GREP1: variants seen among roughly 807,000 people sequenced by gnomAD.
GREP1 encodes the protein glycine rich extracellular protein 1.
rs12920412 is a variant in GREP1, at chr16:3,000,950, G to A, written c.1531+123G>A. The A allele has an allele frequency of 2.4e-3, 938 of 398,590 alleles. 2 individuals are homozygous for A. Among genetic ancestry groups the A allele is most frequent in the Middle Eastern group, 5.7e-3 (9 of 1,592 alleles). The allele number at this position is 398,590 out of a possible 1,614,324, so 24.7% of individuals were successfully genotyped here. A position where few individuals can be genotyped will look rare whatever the true frequency, so the allele number is the denominator to read the frequency against. The stretch of plus-strand genomic sequence containing the variant: ...AAGGTACAGCCCTCTTGGCGGAGGG[G>A]ATGGAGTGAGTGAGAAGAGGCCAGG... On this transcript the variant is annotated intron_variant, in intron 33 of 34. Transcript: ENST00000573315.
intron 27 of GREP1, among the ~76,000 whole-genome samples, chr16:2,999,515 C>G (rs1164793547): frequency 7.2e-6 from 1 of 138,618 alleles, no homozygotes; most frequent in Non-Finnish European, 1.5e-5. Context: ...GAGACAGTCT[C>G]GCTCTGTCGC....
At chr16:2,988,810 A>G (rs775484763) in intron 2 of GREP1, among the ~76,000 whole-genome samples, 188 bp downstream of exon 2, 3 of 152,110 alleles carry the variant, frequency 2.0e-5, no homozygotes, top group African/African-American at 4.8e-5. Flanking sequence ...GCACTCTCAG[A>G]AGAGTCTCCC....
chr16:2,998,868 G>T, exon 26 of GREP1: 1 of 399,074 alleles, frequency 2.5e-6, no homozygotes, highest in Non-Finnish European at 4.4e-6. Context: ...TGCGAGGGTC[G>T]CTCCGATGCT....
In GREP1 at chr16:2,994,681, C is replaced by T. The variant is rs1369763712; in HGVS notation, c.386-17C>T. On this transcript the variant is annotated splice_polypyrimidine_tract_variant and intron_variant, in intron 10 of 34. Transcript: ENST00000573315. ...TCCAGGGCTCCGGAGGGCCTTAACC[C>T]TTTCTCTCCTCCACAGGCCCCACCA... 2 of 398,878 alleles carry T rather than the reference C, an allele frequency of 5.0e-6. No individual in the cohort carries two copies. Among genetic ancestry groups the T allele is most frequent in the South Asian group, 1.3e-4 (1 of 7,838 alleles). The allele number at this position is 398,878 out of a possible 1,614,324, so 24.7% of individuals were successfully genotyped here.
rs559242580 is a variant in GREP1 at position 2,989,152 on chromosome 16, G to A, written c.101-371G>A. 13 of 289,968 alleles carry A rather than the reference G, an allele frequency of 4.5e-5. No individual in the cohort carries two copies. The highest frequency in any genetic ancestry group is 2.8e-4 in the African/African-American group (13 of 46,234). 18.0% of individuals were successfully genotyped at this position (289,968 alleles called of 1,614,324 possible). On this transcript the variant is annotated intron_variant, in intron 2 of 34. Transcript: ENST00000573315. The surrounding 1 kb of genome is among the most constrained non-coding windows in gnomAD (Gnocchi z 4.2). Reference sequence around the variant, plus strand: ...GGGAGAGGAGCCCAGTACTGAGAATGGATGGGAGAGGAGAGGAAGAGGGTG... The same window carrying A: ...GGGAGAGGAGCCCAGTACTGAGAATAGATGGGAGAGGAGAGGAAGAGGGTG...
intron 27 of GREP1, among the ~76,000 whole-genome samples, chr16:2,999,562 G>A (rs1328932372): frequency 1.4e-5 from 2 of 140,618 alleles, no homozygotes; most frequent in African/African-American, 5.4e-5. Flanking sequence ...TTGGCTCACT[G>A]CAAAATACGC....
At position 2,989,543 on chromosome 16, in the gene GREP1, C is replaced by T; in HGVS notation, c.121C>T (p.Leu41=). 2.5e-6 allele frequency: 1 copy of T among 399,350 alleles called. No individual in the cohort carries two copies. Among genetic ancestry groups the T allele is most frequent in the Non-Finnish European group, 4.4e-6 (1 of 226,382 alleles). 24.7% of individuals were successfully genotyped at this position (399,350 alleles called of 1,614,324 possible). A position where few individuals can be genotyped will look rare whatever the true frequency, so the allele number is the denominator to read the frequency against. The change falls in exon 3 of 35, where the codon CTG becomes TTG. Residue 41 remains leucine (L), a synonymous_variant. Transcript: ENST00000573315. The surrounding 1 kb of genome is among the most constrained non-coding windows in gnomAD (Gnocchi z 4.2). ...CACAGTCTATGGCCCCCACAGTGGC[C>T]TGGGAGCAGGTGAGGCCTGGCATAG...
At chr16:2,990,347 T>C (rs2072392129) in intron 5 of GREP1, 2 of 398,508 alleles carry the variant, frequency 5.0e-6, no homozygotes, top group Non-Finnish European at 4.4e-6. Flanking sequence ...TAAGAATGGC[T>C]ATGGAGCAGG....
At chr16:3,000,292 G>A in exon 30 of GREP1, 2 of 399,340 alleles carry the variant, frequency 5.0e-6, no homozygotes, top group Non-Finnish European at 8.8e-6. Flanking sequence ...TGTCCTGCAG[G>A]TTTAGGTTAT....
chr16:2,994,077 G>A (rs2151097167), intron 10 of GREP1: 1 of 152,526 alleles, frequency 6.6e-6, no homozygotes, highest in African/African-American at 2.4e-5. Context: ...CATACAGTAT[G>A]GGCTGAGGCT....
In GREP1 at chr16:2,996,491, C is replaced by T. The variant is rs980819815; in HGVS notation, c.677-5C>T. 3 of 399,018 alleles carry T rather than the reference C, an allele frequency of 7.5e-6. No homozygotes were observed. Among genetic ancestry groups the T allele is most frequent in the Non-Finnish European group, 8.8e-6 (2 of 226,176 alleles). 24.7% of individuals were successfully genotyped at this position (399,018 alleles called of 1,614,324 possible). A position where few individuals can be genotyped will look rare whatever the true frequency, so the allele number is the denominator to read the frequency against. On this transcript the variant is annotated splice_region_variant and splice_polypyrimidine_tract_variant and intron_variant, in intron 18 of 34. Coordinates refer to ENST00000573315, the Ensembl canonical transcript of GREP1. ...GTCTCACACCCTCCCCGTCCCTCCC[C>T]CTAGAATATGGCCATGGAAATGGAC...
chr16:2,998,683 A>C (rs901786561), intron 25 of GREP1, among the ~76,000 whole-genome samples, 160 bp downstream of exon 23: 1 of 152,080 alleles, frequency 6.6e-6, no homozygotes, highest in African/African-American at 2.4e-5. Flanking sequence ...GTGTGGACCA[A>C]GGGAGCTGGG....
Position 2,991,286 on chromosome 16 carries a change from C to G in GREP1, c.322+185C>G, listed in dbSNP as rs2072398040. On this transcript the variant is annotated intron_variant, in intron 8 of 34. Coordinates refer to ENST00000573315, the Ensembl canonical transcript of GREP1. The surrounding 1 kb of genome is among the most constrained non-coding windows in gnomAD (Gnocchi z 4.9). Reference sequence around the variant, plus strand: ...CTCCGAAGCCAGGTGAGGCAGAGCCCTGCCCCGCCTTGCCCACTTATATCC... The same window carrying G: ...CTCCGAAGCCAGGTGAGGCAGAGCCGTGCCCCGCCTTGCCCACTTATATCC... 1 of 395,302 alleles carries G rather than the reference C, an allele frequency of 2.5e-6. No homozygotes were observed. Among genetic ancestry groups the G allele is most frequent in the Non-Finnish European group, 4.5e-6 (1 of 224,614 alleles). The allele number at this position is 395,302 out of a possible 1,614,324, so 24.5% of individuals were successfully genotyped here.
Position 3,000,105 on chromosome 16 carries a change from GC to G in GREP1, c.1253del (p.Pro418HisfsTer6), listed in dbSNP as rs1255569605. On this transcript the variant is annotated frameshift_variant, in exon 29 of 35. Transcript: ENST00000573315. LOFTEE classifies it high-confidence loss of function. ...CCCCAGGTTTTAATGGTGGCCTCGA[GC>G]CACAGAAAATTGGTGAGTCCTCCTG... 4 of 398,964 alleles carry G rather than the reference GC, an allele frequency of 1.0e-5. No homozygotes were observed. The highest frequency in any genetic ancestry group is 8.2e-5 in the African/African-American group (4 of 48,640). 24.7% of individuals were successfully genotyped at this position (398,964 alleles called of 1,614,324 possible).
exon 30 of GREP1, chr16:3,000,351 C>A: frequency 2.5e-6 from 1 of 399,264 alleles, no homozygotes. Flanking sequence ...CCACCCACAG[C>A]CAGGTGCCTG....
chr16:2,998,284 G>T, intron 23 of GREP1, 72 bp from the exon 22 acceptor site: 1 of 398,914 alleles, frequency 2.5e-6, no homozygotes, highest in South Asian at 1.3e-4. Flanking sequence ...GGGATCAGCA[G>T]GGGAGAGAGG....
At chr16:2,990,357 G>C in intron 5 of GREP1, 195 bp from the exon 6 acceptor site, 1 of 398,876 alleles carries the variant, frequency 2.5e-6, no homozygotes, top group African/African-American at 2.1e-5. Flanking sequence ...TATGGAGCAG[G>C]TAGAGATGGG....
At chr16:2,995,180 G>T (rs941278569) in intron 13 of GREP1, 104 bp from the exon 15 acceptor site, 52 of 320,046 alleles carry the variant, frequency 1.6e-4, no homozygotes, top group Non-Finnish European at 2.3e-4. Flanking sequence ...CCTGGAGCAG[G>T]TCCTGAGGGG....
At position 2,990,764 on chromosome 16, in the gene GREP1, C is replaced by T. The variant is rs147879643; in HGVS notation, c.268+177C>T. Among the ~76,000 whole-genome samples the T allele has an allele frequency of 6.6e-3, 1,010 of 152,110 alleles. 7 individuals are homozygous for T. The highest frequency in any genetic ancestry group is 0.01 in the Admixed American group (159 of 15,292). On this transcript the variant is annotated intron_variant, in intron 7 of 34. Transcript: ENST00000573315. Reference sequence around the variant, plus strand: ...CTCACGGGAAGTGGGCAGGAGGGGACGGTGAGGAGTTCTGATGTCTGGCTT... The same window carrying T: ...CTCACGGGAAGTGGGCAGGAGGGGATGGTGAGGAGTTCTGATGTCTGGCTT...
Sources: gnomAD v4.1 joint callset for allele counts (sites outside exome capture counted in the v4.1 genomes callset) on GRCh38, gnomAD v4.1.1 for gene constraint, Gnocchi (gnomAD v3.1) non-coding constraint, MANE v1.5 for transcripts, NCBI Gene and HGNC (gene_info 2026-07-23, HGNC 2026-07-21) for gene names.